Variants in IRAK2 observed in about 807,000 individuals in gnomAD.
IRAK2 encodes interleukin-1 receptor-associated kinase-like 2.
IRAK2 carries 57 observed loss-of-function variants against 72.0 expected under a neutral mutation model. The observed-to-expected ratio is 0.79, with a 90% CI of 0.64 to 0.99. The LOEUF (loss-of-function observed/expected upper bound fraction) is 0.99, where lower values mean the gene tolerates loss of function less well. Among genes scored for constraint, IRAK2 ranks in the 50% least tolerant of loss-of-function variants. IRAK2 has a pLI of 0.00. For missense variants in IRAK2, 790 were observed against 794.4 expected, an observed-to-expected ratio of 0.99 and a Z score of 0.07; for synonymous variants, 293 against 312.7, an observed-to-expected ratio of 0.94 and a Z score of 0.67.
chr3:10,185,601 G>A (rs1490778180), intron 2 of IRAK2, among the ~76,000 whole-genome samples: 11 of 149,818 alleles, frequency 7.3e-5, no homozygotes, highest in Middle Eastern at 3.4e-3. Context: ...CTGGCTGGGC[G>A]CGGTGGCTCA....
intron 3 of IRAK2, among the ~76,000 whole-genome samples, chr3:10,203,957 A>AG (rs1697400729): frequency 6.6e-6 from 1 of 152,226 alleles, no homozygotes; most frequent in Non-Finnish European, 1.5e-5. Flanking sequence ...AGCCATGGAT[A>AG]GGCTATGAGC....
rs771592828 is a variant in IRAK2 at position 10,200,366 on chromosome 3, C to G, written c.278-3C>G. 28 of 1,579,704 alleles carry G rather than the reference C, an allele frequency of 1.8e-5. No individual in the cohort carries two copies. Among genetic ancestry groups the G allele is most frequent in the Admixed American group, 3.6e-5 (2 of 55,060 alleles). On this transcript the variant is annotated splice_region_variant and splice_polypyrimidine_tract_variant and intron_variant, in intron 2 of 12. Transcript: ENST00000256458. ...AATAACTTTCTTTCCACCTTGTTTT[C>G]AGGGAAACCGGCTCCTGAAATCAGG... is the stretch of plus-strand genomic sequence containing the variant.
intron 4 of IRAK2, among the ~76,000 whole-genome samples, chr3:10,212,763 C>CT (rs543464447): frequency 0.31 from 38,912 of 125,832 alleles, 7,015 homozygotes; most frequent in Non-Finnish European, 0.37. Flanking sequence ...TATCCATGTC[C>CT]TTTTTTTTTT....
chr3:10,235,892 G>A (rs1329193140), intron 11 of IRAK2, among the ~76,000 whole-genome samples: 3 of 152,146 alleles, frequency 2.0e-5, no homozygotes, highest in Admixed American at 6.5e-5. Context: ...TTCAGTCTTT[G>A]TTCTCAGCCT....
At chr3:10,222,011 C>G (rs1451157890) in intron 8 of IRAK2, among the ~76,000 whole-genome samples, 1 of 152,118 alleles carries the variant, frequency 6.6e-6, no homozygotes, top group Non-Finnish European at 1.5e-5. Context: ...CCTCAGCCTC[C>G]TGAGTAGCTG....
chr3:10,181,557 A>G (rs1696960034), intron 2 of IRAK2, among the ~76,000 whole-genome samples: 1 of 152,074 alleles, frequency 6.6e-6, no homozygotes, highest in Non-Finnish European at 1.5e-5. Flanking sequence ...GGGAGATTGC[A>G]CACTGCACTC....
At chr3:10,179,275 G>GTT (rs58462207) in intron 2 of IRAK2, among the ~76,000 whole-genome samples, 37,411 of 136,450 alleles carry the variant, frequency 0.27, 6,372 homozygotes, top group Non-Finnish European at 0.39. Context: ...TTTTTCAGTT[G>GTT]TTTTTTTTTT....
intron 2 of IRAK2, among the ~76,000 whole-genome samples, 189 bp from the exon 3 acceptor site, chr3:10,200,180 G>T (rs892747967): frequency 1.3e-5 from 2 of 152,088 alleles, no homozygotes; most frequent in Non-Finnish European, 2.9e-5. Flanking sequence ...GAGCCACCGC[G>T]CCTGGTCTAC....
chr3:10,225,156 C>T (rs931996611), intron 9 of IRAK2, among the ~76,000 whole-genome samples: 2 of 152,110 alleles, frequency 1.3e-5, no homozygotes, highest in African/African-American at 2.4e-5. Context: ...AACCTTTATC[C>T]TTTCCTTCCT....
chr3:10,215,106 G>A (rs1023982561), intron 6 of IRAK2, among the ~76,000 whole-genome samples: 1 of 148,862 alleles, frequency 6.7e-6, no homozygotes, highest in Admixed American at 6.7e-5. Context: ...ATAAATAAAG[G>A]CCAGGCATGG....
chr3:10,201,769 G>A (rs867458620), intron 3 of IRAK2, among the ~76,000 whole-genome samples: 21 of 152,128 alleles, frequency 1.4e-4, no homozygotes, highest in South Asian at 2.1e-4. Flanking sequence ...TGTCTCCTGC[G>A]GCCTCCTGAG....
intron 12 of IRAK2, among the ~76,000 whole-genome samples, chr3:10,240,987 C>A (rs1698050908): frequency 6.6e-6 from 1 of 151,900 alleles, no homozygotes; most frequent in African/African-American, 2.4e-5. Context: ...AGAAGAAAGA[C>A]AGGATGTGAG....
intron 2 of IRAK2, among the ~76,000 whole-genome samples, chr3:10,182,591 A>G (rs1041478520): frequency 2.2e-5 from 3 of 135,446 alleles, no homozygotes; most frequent in Non-Finnish European, 1.6e-5. Context: ...TTGTATTTTT[A>G]GTAGAGATGG....
At chr3:10,193,260 A>T (rs746163982) in intron 2 of IRAK2, among the ~76,000 whole-genome samples, 1 of 152,130 alleles carries the variant, frequency 6.6e-6, no homozygotes, top group Non-Finnish European at 1.5e-5. Flanking sequence ...TCTGGGACTC[A>T]GCCCTCATCA....
At chr3:10,204,553 A>C (rs1446021805) in intron 3 of IRAK2, among the ~76,000 whole-genome samples, 1 of 152,180 alleles carries the variant, frequency 6.6e-6, no homozygotes, top group African/African-American at 2.4e-5. Context: ...GTTCGAGACC[A>C]GCCTGGTCAA....
chr3:10,204,903 T>C (rs888078382), intron 3 of IRAK2, among the ~76,000 whole-genome samples: 3 of 152,172 alleles, frequency 2.0e-5, no homozygotes, highest in Non-Finnish European at 2.9e-5. Flanking sequence ...AACAAGATTA[T>C]GTAGAAGCCC....
In IRAK2 at chr3:10,219,295, C is replaced by T. The variant is rs555445514; in HGVS notation, c.904-385C>T. On this transcript the variant is annotated intron_variant, in intron 7 of 12. Coordinates refer to ENST00000256458, the MANE Select transcript of IRAK2 (RefSeq NM_001570.4). The stretch of plus-strand genomic sequence containing the variant: ...GAGGATCAGGAGCCTGGGACCCTGC[C>T]ATCAGGACTTCGTTTTTTTGTTTTT... Among the ~76,000 whole-genome samples the T allele has an allele frequency of 1.9e-4, 29 of 151,286 alleles. No individual in the cohort carries two copies. In the Middle Eastern group the frequency reaches 0.017, roughly 89 times the overall value.
chr3:10,234,473 C>T lies in IRAK2; in HGVS notation c.1287C>T (p.Leu429=). ...RSPVYLKDLL[L]SDIPSSTASL... ...TCTTCCCACAGAAGGACTTACTCCTCAGTGATATTCCAAGCAGCACCGCCT... is the reference window on the plus strand; with the variant it reads ...TCTTCCCACAGAAGGACTTACTCCTTAGTGATATTCCAAGCAGCACCGCCT... Residue 429 remains leucine (L), a synonymous_variant, in exon 11 of 13, where the codon CTC becomes CTT. Coordinates refer to ENST00000256458, the MANE Select transcript of IRAK2 (RefSeq NM_001570.4). 2 of 1,614,132 alleles carry T rather than the reference C, an allele frequency of 1.2e-6. No individual in the cohort carries two copies. Among genetic ancestry groups the T allele is most frequent in the Non-Finnish European group, 8.5e-7 (1 of 1,179,994 alleles).
intron 11 of IRAK2, among the ~76,000 whole-genome samples, chr3:10,238,070 A>G (rs1484278297): frequency 6.6e-6 from 1 of 151,852 alleles, no homozygotes; most frequent in Non-Finnish European, 1.5e-5. Context: ...TTTTTGATTG[A>G]AAGTGTTAGG....
Sources: allele counts gnomAD v4.1 joint callset (sites outside exome capture counted in the v4.1 genomes callset), GRCh38; gene constraint gnomAD v4.1.1; transcripts MANE v1.5; gene names NCBI Gene and HGNC (gene_info 2026-07-23, HGNC 2026-07-21).